Variants in DNAI2 observed in about 807,000 individuals in gnomAD.
The protein encoded by DNAI2 is dynein axonemal intermediate chain 2.
A neutral mutation model predicts 74.7 loss-of-function variants in DNAI2; 63 were observed. That is an observed-to-expected ratio of 0.84 (90% CI 0.69 to 1.04). The LOEUF is 1.04. Among genes scored for constraint, DNAI2 ranks in the 50% least tolerant of loss-of-function variants. The probability of loss-of-function intolerance (pLI) is 0.00; values close to 1 mark genes in which losing one functional copy is unlikely to be tolerated. For synonymous variants in DNAI2, 289 were observed against 314.9 expected (o/e 0.92, Z 0.87); for missense variants, 688 against 803.2 (o/e 0.86, Z 1.73).
intron 3 of DNAI2, 136 bp downstream of exon 3, chr17:74,285,337 C>T: frequency 9.0e-7 from 1 of 1,109,508 alleles, no homozygotes; most frequent in Non-Finnish European, 1.3e-6. Context: ...CCAGCTGCTA[C>T]CTCAAGGAGC....
In DNAI2 at chr17:74,299,601, T is replaced by C. The variant is rs181862655; in HGVS notation, c.725-117T>C. Reference sequence around the variant, plus strand: ...GCTGATTTGAACCAAGCCCTGATTCTAGAAAACCACATACCTGCCAAACCA... The same window carrying C: ...GCTGATTTGAACCAAGCCCTGATTCCAGAAAACCACATACCTGCCAAACCA... On this transcript the variant is annotated intron_variant, in intron 6 of 13. Coordinates refer to ENST00000311014, the MANE Select transcript of DNAI2 (RefSeq NM_023036.6). 109 of 1,396,068 alleles carry C rather than the reference T, an allele frequency of 7.8e-5. 1 individual carries two copies. In the Admixed American group the frequency reaches 1.8e-3, roughly 23 times the overall value. 86.5% of individuals were successfully genotyped at this position (1,396,068 alleles called of 1,614,324 possible). A position where few individuals can be genotyped will look rare whatever the true frequency, so the allele number is the denominator to read the frequency against.
chr17:74,283,014 C>T (rs2051484598), intron 2 of DNAI2, among the ~76,000 whole-genome samples: 1 of 152,230 alleles, frequency 6.6e-6, no homozygotes, highest in Non-Finnish European at 1.5e-5. Flanking sequence ...CCTGGGGGCC[C>T]TCCTGTCGTT....
rs529186794 is a variant in DNAI2 at position 74,304,883 on chromosome 17, G to C, written c.988-336G>C. Among the ~76,000 whole-genome samples the C allele has an allele frequency of 2.6e-5, 4 of 152,336 alleles. 1 individual carries two copies. In the East Asian group the frequency reaches 5.8e-4, roughly 22 times the overall value. On this transcript the variant is annotated intron_variant, in intron 8 of 13. Coordinates refer to ENST00000311014, the MANE Select transcript of DNAI2 (RefSeq NM_023036.6). ...TCCCTGGGTCTTCTTTACTCTCTCT[G>C]TAAACAAACATTCAGGATCTTTATG...
At chr17:74,305,815 G>A (rs990815335) in intron 9 of DNAI2, among the ~76,000 whole-genome samples, 1 of 151,568 alleles carries the variant, frequency 6.6e-6, no homozygotes, top group Non-Finnish European at 1.5e-5. Context: ...GGGACTACAA[G>A]CACCTGCCAC....
Position 74,305,134 on chromosome 17 carries a change from C to T in DNAI2, c.988-85C>T, listed in dbSNP as rs2053106292. On this transcript the variant is annotated intron_variant, in intron 8 of 13. Transcript: ENST00000311014. The stretch of plus-strand genomic sequence containing the variant: ...AGGGCCTTTCTAGCGCCTGCAGACC[C>T]CCCAAGCAAGCTCCTGTCCATGCCC... 5 of 1,438,340 alleles carry T rather than the reference C, an allele frequency of 3.5e-6. No individual in the cohort carries two copies. In the East Asian group the frequency reaches 1.2e-4, roughly 34 times the overall value. 89.1% of individuals were successfully genotyped at this position (1,438,340 alleles called of 1,614,324 possible).
At chr17:74,309,192 A>G (rs773850046) in intron 9 of DNAI2, 61 bp from the exon 10 acceptor site, 15 of 1,600,936 alleles carry the variant, frequency 9.4e-6, no homozygotes, top group Non-Finnish European at 1.3e-5. Flanking sequence ...GGACCAAGTG[A>G]GCCAAGCTGT....
intron 1 of DNAI2, among the ~76,000 whole-genome samples, chr17:74,279,851 C>G (rs2051296588): frequency 6.6e-6 from 1 of 152,150 alleles, no homozygotes; most frequent in African/African-American, 2.4e-5. Context: ...CGTTGAAAGG[C>G]CTTTGGTTGT....
intron 10 of DNAI2, 193 bp from the exon 11 acceptor site, chr17:74,309,824 G>C (rs997455754): frequency 1.4e-6 from 1 of 716,936 alleles, no homozygotes; most frequent in Admixed American, 2.1e-5. Context: ...AAGGGGTGGG[G>C]CGGGAGATGA....
chr17:74,284,947 C>T (rs1424860469), intron 2 of DNAI2, 93 bp from the exon 3 acceptor site: 3 of 1,562,954 alleles, frequency 1.9e-6, no homozygotes, highest in Non-Finnish European at 2.6e-6. Flanking sequence ...GCATCCAGCC[C>T]TGGGAGCCCC....
intron 9 of DNAI2, among the ~76,000 whole-genome samples, chr17:74,307,556 C>G (rs141122120): frequency 0.035 from 5,366 of 152,064 alleles, 141 homozygotes; most frequent in Admixed American, 0.088. Flanking sequence ...GTAATCCCAG[C>G]ACTTTGGGAG....
chr17:74,299,760 C>G lies in DNAI2; in HGVS notation c.767C>G (p.Ser256Cys). Residue 256 changes from serine (S) to cysteine (C), a missense_variant, in exon 7 of 14, where the codon TCC becomes TGC. Transcript: ENST00000311014. ...AAGGGCAGCCTGGTGGCGGAGCTAT[C>G]CACCATTGAGTCCAGCCACCGAGAC... ...TRKGSLVAEL[S>C]TIESSHRDPV... 1 of 1,610,732 alleles carries G rather than the reference C, an allele frequency of 6.2e-7. No individual in the cohort carries two copies. Among genetic ancestry groups the G allele is most frequent in the East Asian group, 2.2e-5 (1 of 44,714 alleles).
In DNAI2 at chr17:74,299,854, G is replaced by T; in HGVS notation, c.861G>T (p.Gly287=). Residue 287 remains glycine (G), a synonymous_variant, in exon 7 of 14, where the codon GGG becomes GGT. Coordinates refer to ENST00000311014, the MANE Select transcript of DNAI2 (RefSeq NM_023036.6). ...AGTGCTTCTCAGCTTCCACGGATGGGCAGGTACCCACCAGCCAGACACTGG... is the reference window on the plus strand; with the variant it reads ...AGTGCTTCTCAGCTTCCACGGATGGTCAGGTACCCACCAGCCAGACACTGG... ...GTECFSASTD[G]QVMWWDIRKM... 6.2e-7 allele frequency: 1 copy of T among 1,613,430 alleles called. No homozygotes were observed. Among genetic ancestry groups the T allele is most frequent in the Non-Finnish European group, 8.5e-7 (1 of 1,180,008 alleles).
intron 2 of DNAI2, among the ~76,000 whole-genome samples, 157 bp from the exon 3 acceptor site, chr17:74,284,883 A>T (rs148290308): frequency 6.6e-6 from 1 of 152,200 alleles, no homozygotes; most frequent in Non-Finnish European, 1.5e-5. Flanking sequence ...CCTGATCACC[A>T]GGAATTTCCT....
chr17:74,309,474 G>T (rs749177713), intron 10 of DNAI2, 86 bp downstream of exon 10: 1 of 1,572,810 alleles, frequency 6.4e-7, no homozygotes, highest in Admixed American at 1.7e-5. Flanking sequence ...CTGTGAGCAC[G>T]TGTGCAGTGT....
intron 6 of DNAI2, among the ~76,000 whole-genome samples, chr17:74,293,937 C>A (rs1185863022): frequency 6.6e-6 from 1 of 151,726 alleles, no homozygotes; most frequent in African/African-American, 2.4e-5. Context: ...GTGCATGCCA[C>A]CACGCCCAGC....
intron 5 of DNAI2, among the ~76,000 whole-genome samples, chr17:74,290,555 A>C (rs2052023703): frequency 6.6e-6 from 1 of 152,170 alleles, no homozygotes; most frequent in Non-Finnish European, 1.5e-5. Context: ...CAGCATTATT[A>C]AAATAAACAT....
chr17:74,285,239 C>G, intron 3 of DNAI2, 38 bp downstream of exon 3: 1 of 1,607,442 alleles, frequency 6.2e-7, no homozygotes, highest in Non-Finnish European at 8.5e-7. Context: ...AGAGCCCCAT[C>G]CATCACTGCA....
chr17:74,291,192 C>T (rs1167508736), intron 6 of DNAI2, 59 bp downstream of exon 6: 4 of 1,414,400 alleles, frequency 2.8e-6, no homozygotes, highest in Non-Finnish European at 3.9e-6. Flanking sequence ...TGGAATTTTG[C>T]TCTTGTTTCC....
rs576194449 is a variant in DNAI2 at position 74,282,720 on chromosome 17, T to C, written c.183+720T>C. On this transcript the variant is annotated intron_variant, in intron 2 of 13. Coordinates refer to ENST00000311014, the MANE Select transcript of DNAI2 (RefSeq NM_023036.6). ...GGGGCCTCCACGATAAGAGAACTTATCTTGAGGGTCATGGTCATGTGTTCA... is the reference window on the plus strand; with the variant it reads ...GGGGCCTCCACGATAAGAGAACTTACCTTGAGGGTCATGGTCATGTGTTCA... 3.3e-5 allele frequency among the ~76,000 whole-genome samples: 5 copies of C among 152,350 alleles called. No homozygotes were observed. The East Asian group carries it at 7.7e-4, about 23-fold the overall frequency.
Sources: allele counts gnomAD v4.1 joint callset (sites outside exome capture counted in the v4.1 genomes callset), GRCh38; gene constraint gnomAD v4.1.1; transcripts MANE v1.5; gene names NCBI Gene and HGNC (gene_info 2026-07-23, HGNC 2026-07-21).